The following CPSF3 variants were observed in gnomAD, a reference collection of about 807,000 sequenced individuals.
CPSF3 encodes the protein cleavage and polyadenylation specific factor 3.
A neutral mutation model predicts 84.1 loss-of-function variants in CPSF3; 57 were observed. The ratio of observed to expected loss-of-function variants is 0.68; its 90% CI spans 0.55 to 0.85. The LOEUF is 0.85. Among genes scored for constraint, CPSF3 ranks in the 40% least tolerant of loss-of-function variants. The probability of loss-of-function intolerance (pLI) is 0.00; values close to 1 mark genes in which losing one functional copy is unlikely to be tolerated. For missense variants in CPSF3, 522 were observed against 838.8 expected (o/e 0.62, Z 4.66); for synonymous variants, 275 against 278.1 (o/e 0.99, Z 0.11).
In CPSF3 at chr2:9,463,821, G is replaced by A. The variant is rs533733273; in HGVS notation, c.1787-3886G>A. 5.9e-5 allele frequency among the ~76,000 whole-genome samples: 9 copies of A among 152,290 alleles called. No homozygotes were observed. The East Asian group carries it at 1.7e-3, about 29-fold the overall frequency. ...TACCGAAACACAGCCGTGCGCACTG[G>A]TTCATCATCTCTGATGCCTCTTTCC... is the stretch of plus-strand genomic sequence containing the variant. On this transcript the variant is annotated intron_variant, in intron 15 of 17. Transcript: ENST00000238112.
intron 16 of CPSF3, among the ~76,000 whole-genome samples, chr2:9,469,808 C>G (rs759086158): frequency 2.1e-4 from 32 of 152,188 alleles, no homozygotes; most frequent in Non-Finnish European, 4.3e-4. Flanking sequence ...TGTTTAAACA[C>G]TTAGGATTAG....
At chr2:9,424,274 A>G (rs923551350) in intron 1 of CPSF3, 4 of 986,922 alleles carry the variant, frequency 4.1e-6, no homozygotes, top group Non-Finnish European at 4.8e-6. Context: ...AGGGCTTCAC[A>G]TGTGCCAGAA....
Position 9,443,600 on chromosome 2 carries a change from C to T in CPSF3, c.1181C>T (p.Ser394Leu). ...ATGTCTGTTGATTACATTTCTTTCT[C>T]AGCTCACACGGATTACCAGCAAACC... ...LKMSVDYISF[S>L]AHTDYQQTSE... Residue 394 changes from serine to leucine, a missense_variant, in exon 10 of 18, where the codon TCA becomes TTA. Coordinates refer to ENST00000238112, the MANE Select transcript of CPSF3 (RefSeq NM_016207.4). 2 of 1,614,174 alleles carry T rather than the reference C, an allele frequency of 1.2e-6. No homozygotes were observed. The highest frequency in any genetic ancestry group is 1.7e-6 in the Non-Finnish European group (2 of 1,180,012).
At position 9,448,319 on chromosome 2, in the gene CPSF3, C is replaced by T. The variant is rs778610114; in HGVS notation, c.1364C>T (p.Thr455Ile). The T allele has an allele frequency of 6.2e-7, 1 of 1,612,576 alleles. No homozygotes were observed. Among genetic ancestry groups the T allele is most frequent in the Admixed American group, 1.7e-5 (1 of 59,864 alleles). Residue 455 changes from threonine to isoleucine, a missense_variant, in exon 11 of 18, where the codon ACC becomes ATC. By Grantham distance (89) the Thr-to-Ile change is moderately conservative. Around this residue, in one of 2 missense-constraint regions of CPSF3, gnomAD observed 329 missense variants for 607.2 expected, o/e 0.54. Coordinates refer to ENST00000238112, the MANE Select transcript of CPSF3 (RefSeq NM_016207.4). The stretch of plus-strand genomic sequence containing the variant: ...AATCCTCGGAATACAGAAGCAGTGA[C>T]CTTAAACTTCAGAGGAGAAAAACTA... ...VHNPRNTEAV[T>I]LNFRGEKLAK...
At position 9,432,538 on chromosome 2, in the gene CPSF3, T is replaced by C. The variant is rs1558450196; in HGVS notation, c.369T>C (p.Tyr123=). ...ACATATCAGCAGACGACATGCTGTA[T>C]ACCGAGACAGATTTGGAAGAAAGCA... ...VSNISADDML[Y]TETDLEESMD... is the part of the protein sequence containing the mutation. Residue 123 remains tyrosine (Y), a synonymous_variant, in exon 5 of 18, where the codon TAT becomes TAC. Coordinates refer to ENST00000238112, the MANE Select transcript of CPSF3 (RefSeq NM_016207.4). 2.6e-6 allele frequency: 4 copies of C among 1,550,410 alleles called. No homozygotes were observed. Among genetic ancestry groups the C allele is most frequent in the South Asian group, 1.2e-5 (1 of 82,314 alleles).
At chr2:9,456,323 G>A (rs1354721696) in intron 13 of CPSF3, among the ~76,000 whole-genome samples, 1 of 152,184 alleles carries the variant, frequency 6.6e-6, no homozygotes, top group Admixed American at 6.5e-5. Flanking sequence ...TTCTGATAGA[G>A]CAAGAATACT....
intron 6 of CPSF3, among the ~76,000 whole-genome samples, chr2:9,434,433 A>T (rs1680708841): frequency 6.6e-6 from 1 of 152,128 alleles, no homozygotes; most frequent in Admixed American, 6.5e-5. Flanking sequence ...TTGCTGTTAA[A>T]TGCATTAACT....
chr2:9,428,858 A>G, intron 2 of CPSF3, 30 bp downstream of exon 2: 1 of 1,314,646 alleles, frequency 7.6e-7, no homozygotes, highest in Non-Finnish European at 1.1e-6. Flanking sequence ...TCAGTTTAAT[A>G]GTATGGCTCT....
At chr2:9,459,287 A>G (rs1219765423) in intron 14 of CPSF3, among the ~76,000 whole-genome samples, 1 of 152,220 alleles carries the variant, frequency 6.6e-6, no homozygotes, top group Non-Finnish European at 1.5e-5. Flanking sequence ...TGAAAATTAA[A>G]TGATAATGCC....
At chr2:9,448,383 A>G (rs1681195620) in intron 11 of CPSF3, 33 bp downstream of exon 11, 2 of 1,546,598 alleles carry the variant, frequency 1.3e-6, no homozygotes, top group Admixed American at 1.9e-5. Context: ...TGTCCAATCC[A>G]TGTTTTTTCT....
At chr2:9,439,976 CACAA>C (rs1399867322) in intron 7 of CPSF3, among the ~76,000 whole-genome samples, 1 of 152,068 alleles carries the variant, frequency 6.6e-6, no homozygotes, top group Non-Finnish European at 1.5e-5. Context: ...GGGTGTAAAA[CACAA>C]ACAAAAACAA....
Position 9,472,918 on chromosome 2 carries a change from T to A in CPSF3, c.1956T>A (p.Thr652=), listed in dbSNP as rs1682232301. Residue 652 remains threonine (T), a splice_region_variant and synonymous_variant, in exon 18 of 18, where the codon ACT becomes ACA. Coordinates refer to ENST00000238112, the MANE Select transcript of CPSF3 (RefSeq NM_016207.4). ...KTANLNLETR[T]VECEEGSEDD... ...TCTTGTTTGTGCCTCACTTTCAGAC[T>A]GTAGAATGTGAAGAGGGAAGTGAAG... is the stretch of plus-strand genomic sequence containing the variant. 2 of 1,602,446 alleles carry A rather than the reference T, an allele frequency of 1.2e-6. No individual in the cohort carries two copies. The highest frequency in any genetic ancestry group is 2.7e-5 in the African/African-American group (2 of 74,784).
At chr2:9,450,736 C>CG (rs1397723001) in intron 11 of CPSF3, among the ~76,000 whole-genome samples, 1 of 152,034 alleles carries the variant, frequency 6.6e-6, no homozygotes, top group Non-Finnish European at 1.5e-5. Context: ...TGCAGTGAGC[C>CG]GAGATCATGC....
intron 11 of CPSF3, among the ~76,000 whole-genome samples, chr2:9,451,748 C>T (rs968869637): frequency 5.6e-5 from 8 of 143,474 alleles, no homozygotes; most frequent in Non-Finnish European, 1.2e-4. Flanking sequence ...GAAAAAGTCT[C>T]GCTCTGTCTC....
At chr2:9,471,070 T>C (rs1682144841) in intron 16 of CPSF3, among the ~76,000 whole-genome samples, 1 of 152,076 alleles carries the variant, frequency 6.6e-6, no homozygotes, top group South Asian at 2.1e-4. Context: ...AAAAATTAGC[T>C]GGCTGTGGTG....
chr2:9,452,137 T>G lies in CPSF3; in HGVS notation c.1396-776T>G, dbSNP rs916094590. Reference sequence around the variant, plus strand: ...TGAGGTCAGGAGTTCAAGACCAGCCTGGCCAATGTGGTGAAGCCCCATTTC... The same window carrying G: ...TGAGGTCAGGAGTTCAAGACCAGCCGGGCCAATGTGGTGAAGCCCCATTTC... On this transcript the variant is annotated intron_variant, in intron 11 of 17. Transcript: ENST00000238112. Among the ~76,000 whole-genome samples, 2 of 152,068 alleles carry G rather than the reference T, an allele frequency of 1.3e-5. 1 individual carries two copies. Among genetic ancestry groups the G allele is most frequent in the African/African-American group, 4.8e-5 (2 of 41,424 alleles).
chr2:9,459,568 C>G lies in CPSF3; in HGVS notation c.1736C>G (p.Thr579Arg). The change falls in exon 15 of 18, where the codon ACA (threonine) becomes AGA (arginine). Residue 579 changes from threonine to arginine, a missense_variant. Thr to Arg is a moderately conservative substitution (Grantham distance 71). Around this residue, in one of 2 missense-constraint regions of CPSF3, gnomAD observed 193 missense variants for 231.6 expected, o/e 0.83. Transcript: ENST00000238112. ...CCTTCTAATGATATGTATGCAGATA[C>G]AGTAACAACTGTGATATTGGAAGTT... ...ANPSNDMYAD[T>R]VTTVILEVQS... is the part of the protein sequence containing the mutation. 6.6e-7 allele frequency: 1 copy of G among 1,520,774 alleles called. No individual in the cohort carries two copies. The highest frequency in any genetic ancestry group is 8.9e-7 in the Non-Finnish European group (1 of 1,123,542). 94.2% of individuals were successfully genotyped at this position (1,520,774 alleles called of 1,614,324 possible). A position where few individuals can be genotyped will look rare whatever the true frequency, so the allele number is the denominator to read the frequency against.
chr2:9,440,780 C>G (rs950673881), intron 8 of CPSF3, 114 bp downstream of exon 8: 1 of 1,022,584 alleles, frequency 9.8e-7, no homozygotes. Flanking sequence ...CTTTGGGAGT[C>G]TAAGGCAGGA....
Position 9,462,577 on chromosome 2 carries a change from G to C in CPSF3, c.1786+2959G>C, listed in dbSNP as rs143922921. 6.1e-3 allele frequency among the ~76,000 whole-genome samples: 925 copies of C among 152,212 alleles called. 7 individuals carry two copies. The highest frequency in any genetic ancestry group is 0.021 in the African/African-American group (875 of 41,526). ...ATGCTGAAAAACAAGAGGTGCTGTGGTATGACAGATAATCTCCACATAGCT... is the reference window on the plus strand; with the variant it reads ...ATGCTGAAAAACAAGAGGTGCTGTGCTATGACAGATAATCTCCACATAGCT... On this transcript the variant is annotated intron_variant, in intron 15 of 17. Transcript: ENST00000238112.
Sources: allele counts gnomAD v4.1 joint callset (sites outside exome capture counted in the v4.1 genomes callset), GRCh38; gene constraint gnomAD v4.1.1; regional missense constraint gnomAD v4.1.1; transcripts MANE v1.5; gene names NCBI Gene and HGNC (gene_info 2026-07-23, HGNC 2026-07-21).